The following SMR3A variants were observed in gnomAD, a reference collection of about 807,000 sequenced individuals.
The protein encoded by SMR3A is submaxillary gland androgen regulated protein 3A.
For missense variants in SMR3A, 188 were observed against 163.0 expected (o/e 1.15, Z -0.84); for synonymous variants, 48 against 57.4 (o/e 0.84, Z 0.74).
intron 2 of SMR3A, among the ~76,000 whole-genome samples, chr4:70,365,896 T>A (rs763204499): frequency 3.9e-5 from 6 of 152,054 alleles, no homozygotes; most frequent in Non-Finnish European, 7.4e-5. Context: ...TTTATTTCCA[T>A]TTAGAATTTG....
intron 2 of SMR3A, 65 bp from the exon 3 acceptor site, chr4:70,366,579 C>T: frequency 1.4e-6 from 2 of 1,416,644 alleles, no homozygotes; most frequent in African/African-American, 1.4e-5. Flanking sequence ...CCATAGAAAC[C>T]ATTCACCCTT....
At chr4:70,362,477 T>C (rs1022511877) in intron 2 of SMR3A, among the ~76,000 whole-genome samples, 4 of 151,704 alleles carry the variant, frequency 2.6e-5, no homozygotes, top group African/African-American at 7.2e-5. Context: ...TAAAATGAGA[T>C]AGTTTAAAGT....
At chr4:70,365,072 C>T (rs549809061) in intron 2 of SMR3A, among the ~76,000 whole-genome samples, 4 of 152,104 alleles carry the variant, frequency 2.6e-5, no homozygotes, top group African/African-American at 9.6e-5. Context: ...ATTCTTACCC[C>T]AGAGCATTTG....
intron 1 of SMR3A, 127 bp from the exon 2 acceptor site, chr4:70,361,975 A>G: frequency 7.0e-7 from 1 of 1,430,296 alleles, no homozygotes; most frequent in Non-Finnish European, 9.3e-7. Flanking sequence ...AAATAATGTT[A>G]GGCAAATTTC....
intron 2 of SMR3A, among the ~76,000 whole-genome samples, chr4:70,365,620 C>T (rs985083102): frequency 8.6e-5 from 13 of 151,962 alleles, no homozygotes; most frequent in Admixed American, 6.6e-5. Context: ...ACACTCATTC[C>T]ATTCATTTCA....
intron 2 of SMR3A, among the ~76,000 whole-genome samples, 175 bp downstream of exon 2, chr4:70,362,344 GC>G (rs1732168151): frequency 6.6e-6 from 1 of 151,644 alleles, no homozygotes; most frequent in South Asian, 2.1e-4. Context: ...AATTTAAATA[GC>G]CCCATATGTC....
intron 2 of SMR3A, among the ~76,000 whole-genome samples, chr4:70,364,611 G>A (rs1732221796): frequency 1.3e-5 from 2 of 151,952 alleles, no homozygotes; most frequent in Admixed American, 6.6e-5. Flanking sequence ...TGTGTGGCCA[G>A]TAAATCAGGG....
chr4:70,366,508 G>A lies in SMR3A; in HGVS notation c.55-136G>A, dbSNP rs950127923. The A allele has an allele frequency of 3.8e-6, 3 of 791,574 alleles. No individual in the cohort carries two copies. The South Asian group carries it at 5.7e-5, about 15-fold the overall frequency. The allele number at this position is 791,574 out of a possible 1,614,324, so 49.0% of individuals were successfully genotyped here. A position where few individuals can be genotyped will look rare whatever the true frequency, so the allele number is the denominator to read the frequency against. On this transcript the variant is annotated intron_variant, in intron 2 of 2. Coordinates refer to ENST00000226460, the MANE Select transcript of SMR3A (RefSeq NM_012390.4). Reference sequence around the variant, plus strand: ...GTTTTAAAAGGGCTCACCTGATAAGGTCAGGCCAGCATGTGCCAGCAGGGA... The same window carrying A: ...GTTTTAAAAGGGCTCACCTGATAAGATCAGGCCAGCATGTGCCAGCAGGGA...
At chr4:70,361,150 A>G (rs909298330) in intron 1 of SMR3A, among the ~76,000 whole-genome samples, 1 of 151,936 alleles carries the variant, frequency 6.6e-6, no homozygotes, top group Non-Finnish European at 1.5e-5. Flanking sequence ...GAATTGTTCC[A>G]CAGTATATGT....
chr4:70,361,602 C>T (rs1732148226), intron 1 of SMR3A, among the ~76,000 whole-genome samples: 1 of 151,804 alleles, frequency 6.6e-6, no homozygotes, highest in Non-Finnish European at 1.5e-5. Context: ...TCTTACACTA[C>T]ATCAAACAGA....
At chr4:70,363,450 A>C (rs3775733) in intron 2 of SMR3A, among the ~76,000 whole-genome samples, 39,633 of 151,834 alleles carry the variant, frequency 0.26, 5,405 homozygotes, top group South Asian at 0.39. Context: ...TACATACATT[A>C]TCTCTTCTTT....
chr4:70,361,988 A>G, intron 1 of SMR3A, 114 bp from the exon 2 acceptor site: 1 of 1,475,314 alleles, frequency 6.8e-7, no homozygotes, highest in African/African-American at 1.4e-5. Context: ...CAAATTTCCT[A>G]AAAAGGCTAC....
rs1041716358 is a variant in SMR3A at position 70,366,514 on chromosome 4, C to T, written c.55-130C>T. ...AAAGGGCTCACCTGATAAGGTCAGG[C>T]CAGCATGTGCCAGCAGGGAGTAGAA... On this transcript the variant is annotated intron_variant, in intron 2 of 2. Coordinates refer to ENST00000226460, the MANE Select transcript of SMR3A (RefSeq NM_012390.4). 3.3e-5 allele frequency: 27 copies of T among 828,904 alleles called. No homozygotes were observed. In the African/African-American group the frequency reaches 4.5e-4, roughly 14 times the overall value. The allele number at this position is 828,904 out of a possible 1,614,324, so 51.3% of individuals were successfully genotyped here.
intron 1 of SMR3A, among the ~76,000 whole-genome samples, chr4:70,361,478 C>T (rs1203785539): frequency 1.3e-5 from 2 of 151,850 alleles, no homozygotes; most frequent in Non-Finnish European, 1.5e-5. Flanking sequence ...CTGACTTGGT[C>T]TTTGATCTAC....
At chr4:70,361,945 C>T (rs1732154462) in intron 1 of SMR3A, among the ~76,000 whole-genome samples, 157 bp from the exon 2 acceptor site, 1 of 151,764 alleles carries the variant, frequency 6.6e-6, no homozygotes, top group Non-Finnish European at 1.5e-5. Flanking sequence ...TAATGTTGTC[C>T]CACAGTAATA....
chr4:70,362,184 T>C lies in SMR3A; in HGVS notation c.54+15T>C. ...CGTGTTTCACAGTAAGTATCATTAA[T>C]CACGATCACACATCTTTATACTTTC... is the stretch of plus-strand genomic sequence containing the variant. On this transcript the variant is annotated intron_variant, in intron 2 of 2. Transcript: ENST00000226460. The C allele has an allele frequency of 6.2e-7, 1 of 1,611,742 alleles. No homozygotes were observed. Among genetic ancestry groups the C allele is most frequent in the Non-Finnish European group, 8.5e-7 (1 of 1,178,292 alleles).
intron 2 of SMR3A, among the ~76,000 whole-genome samples, chr4:70,365,708 C>T (rs376822494): frequency 1.3e-5 from 2 of 151,954 alleles, no homozygotes; most frequent in East Asian, 3.9e-4. Context: ...ATGTTTGTAC[C>T]CCTGGCAAAC....
intron 2 of SMR3A, among the ~76,000 whole-genome samples, chr4:70,363,959 G>A (rs1732203046): frequency 6.6e-6 from 1 of 151,942 alleles, no homozygotes; most frequent in African/African-American, 2.4e-5. Context: ...ACCATCACTA[G>A]CTAGAGAAGA....
intron 1 of SMR3A, 114 bp from the exon 2 acceptor site, chr4:70,361,988 A>T (rs562848239): frequency 5.4e-6 from 8 of 1,475,314 alleles, no homozygotes; most frequent in Non-Finnish European, 7.2e-6. Context: ...CAAATTTCCT[A>T]AAAAGGCTAC....
Sources: gnomAD v4.1 joint callset for allele counts (sites outside exome capture counted in the v4.1 genomes callset) on GRCh38, gnomAD v4.1.1 for gene constraint, MANE v1.5 for transcripts, NCBI Gene and HGNC (gene_info 2026-07-23, HGNC 2026-07-21) for gene names.